Variants in IL23R observed in about 807,000 individuals in gnomAD.
IL23R encodes the protein interleukin 23 receptor.
In IL23R, 34 loss-of-function variants were observed where a neutral mutation model predicts 56.9. That is an observed-to-expected ratio of 0.60 (90% CI 0.45 to 0.80). The LOEUF is 0.80. Ranked by LOEUF, IL23R falls within the 30% of genes least tolerant of loss-of-function variation. IL23R has a pLI of 0.00. For synonymous variants in IL23R, 230 were observed against 249.2 expected (o/e 0.92, Z 0.73); for missense variants, 635 against 730.0 (o/e 0.87, Z 1.50).
chr1:67,226,561 ATC>A (rs964586433), intron 7 of IL23R, among the ~76,000 whole-genome samples: 1 of 151,952 alleles, frequency 6.6e-6, no homozygotes, highest in Non-Finnish European at 1.5e-5. Context: ...TCTTCTATTT[ATC>A]TCTCTGTCTG....
intron 4 of IL23R, among the ~76,000 whole-genome samples, chr1:67,198,066 G>T (rs1406717790): frequency 6.6e-6 from 1 of 152,054 alleles, no homozygotes; most frequent in Non-Finnish European, 1.5e-5. Flanking sequence ...ATAGAGGGAG[G>T]GGGGATATGC....
At chr1:67,175,646 T>C (rs1182128494) in intron 3 of IL23R, among the ~76,000 whole-genome samples, 2 of 152,178 alleles carry the variant, frequency 1.3e-5, no homozygotes, top group Admixed American at 1.3e-4. Flanking sequence ...TCATCCACAT[T>C]GTAGCATGTG....
intron 8 of IL23R, 31 bp from the exon 9 acceptor site, chr1:67,240,148 G>T: frequency 7.2e-7 from 1 of 1,392,896 alleles, no homozygotes; most frequent in Non-Finnish European, 1.0e-6. Context: ...ACTAATGCTT[G>T]GTTAAAATTA....
chr1:67,241,488 TA>T (rs538656454), intron 9 of IL23R, among the ~76,000 whole-genome samples: 13 of 150,636 alleles, frequency 8.6e-5, no homozygotes, highest in African/African-American at 1.9e-4. Context: ...AATTTCGTTT[TA>T]AAAAAAAAAT....
chr1:67,145,832 C>T (rs1248931628), intron 1 of IL23R, among the ~76,000 whole-genome samples: 1 of 152,154 alleles, frequency 6.6e-6, no homozygotes, highest in Non-Finnish European at 1.5e-5. Context: ...TTGTAGAAAC[C>T]ATTCCCACAT....
chr1:67,254,275 G>T (rs1460086276), intron 9 of IL23R, among the ~76,000 whole-genome samples: 1 of 151,908 alleles, frequency 6.6e-6, no homozygotes, highest in Non-Finnish European at 1.5e-5. Context: ...CACCATGTTG[G>T]CCAGGCTGCT....
chr1:67,237,979 A>G (rs866018627), intron 8 of IL23R, among the ~76,000 whole-genome samples: 4 of 152,218 alleles, frequency 2.6e-5, no homozygotes, highest in South Asian at 2.1e-4. Context: ...TGGAGCTTCT[A>G]TTCTAGCCAG....
intron 9 of IL23R, among the ~76,000 whole-genome samples, chr1:67,251,857 T>C (rs533140536): frequency 6.6e-6 from 1 of 152,324 alleles, no homozygotes; most frequent in East Asian, 1.9e-4. Context: ...AATTTTGAGC[T>C]TGCAAAAGCT....
chr1:67,253,252 C>T (rs893617237), intron 9 of IL23R, among the ~76,000 whole-genome samples: 1 of 152,174 alleles, frequency 6.6e-6, no homozygotes, highest in Non-Finnish European at 1.5e-5. Flanking sequence ...TTTTTTCCCT[C>T]CTGTGATGGT....
At chr1:67,255,197 A>G (rs910221865) in intron 9 of IL23R, among the ~76,000 whole-genome samples, 5 of 152,178 alleles carry the variant, frequency 3.3e-5, no homozygotes, top group Admixed American at 3.3e-4. Flanking sequence ...ACTTTCCCAC[A>G]TGGGAATCTT....
At chr1:67,250,782 C>T (rs141745100) in intron 9 of IL23R, among the ~76,000 whole-genome samples, 2 of 152,200 alleles carry the variant, frequency 1.3e-5, no homozygotes, top group African/African-American at 4.8e-5. Context: ...AGAACAAGAT[C>T]CAGTAGTTGT....
At chr1:67,188,144 A>G (rs1184839037) in intron 4 of IL23R, among the ~76,000 whole-genome samples, 4 of 152,246 alleles carry the variant, frequency 2.6e-5, no homozygotes, top group Non-Finnish European at 5.9e-5. Flanking sequence ...AATTATATGT[A>G]GTAACAGATG....
At position 67,259,327 on chromosome 1, in the gene IL23R, A is replaced by G; in HGVS notation, c.*199A>G. 1.7e-6 allele frequency: 1 copy of G among 586,208 alleles called. No homozygotes were observed. The highest frequency in any genetic ancestry group is 1.9e-5 in the African/African-American group (1 of 53,742). 36.3% of individuals were successfully genotyped at this position (586,208 alleles called of 1,614,324 possible). ...GGGCCATATGATAAGCATATGTTTC[A>G]GTTCTACCAATCTTGTTTCCAGAGT... On this transcript the variant is annotated 3_prime_UTR_variant, in exon 11 of 11. Coordinates refer to ENST00000347310, the MANE Select transcript of IL23R (RefSeq NM_144701.3).
chr1:67,228,106 CT>C (rs1558254344), intron 7 of IL23R, among the ~76,000 whole-genome samples: 712 of 45,070 alleles, frequency 0.016, 15 homozygotes, highest in Admixed American at 0.031. Flanking sequence ...TTCTTTCTTT[CT>C]CTCTCTTTCT....
intron 2 of IL23R, among the ~76,000 whole-genome samples, chr1:67,168,981 G>A (rs1646907131): frequency 6.6e-6 from 1 of 151,896 alleles, no homozygotes. Context: ...CCAACATGGT[G>A]AAACGCCATA....
chr1:67,205,364 T>G (rs1648931031), intron 5 of IL23R, among the ~76,000 whole-genome samples: 1 of 152,232 alleles, frequency 6.6e-6, no homozygotes, highest in Non-Finnish European at 1.5e-5. Flanking sequence ...AAAGAAAGTT[T>G]TATAAACCTA....
intron 3 of IL23R, among the ~76,000 whole-genome samples, chr1:67,182,621 T>C (rs542109790): frequency 6.6e-6 from 1 of 152,242 alleles, no homozygotes; most frequent in South Asian, 2.1e-4. Flanking sequence ...CGGCTCACAC[T>C]CTGTGCACTG....
intron 9 of IL23R, among the ~76,000 whole-genome samples, chr1:67,242,009 A>G (rs919873234): frequency 1.3e-5 from 2 of 152,244 alleles, no homozygotes; most frequent in African/African-American, 4.8e-5. Flanking sequence ...ATTATTTCGC[A>G]TAACTTTCAC....
At chr1:67,155,558 A>G (rs969843807) in intron 1 of IL23R, among the ~76,000 whole-genome samples, 5 of 152,072 alleles carry the variant, frequency 3.3e-5, no homozygotes, top group African/African-American at 1.2e-4. Context: ...AAACTCCGAT[A>G]TCCTTTCTTC....
Sources: gnomAD v4.1 joint callset for allele counts (sites outside exome capture counted in the v4.1 genomes callset) on GRCh38, gnomAD v4.1.1 for gene constraint, MANE v1.5 for transcripts, NCBI Gene and HGNC (gene_info 2026-07-23, HGNC 2026-07-21) for gene names.